CDH13: variants seen among roughly 807,000 people sequenced by gnomAD.
CDH13 encodes cadherin-13.
CDH13 carries 24 observed loss-of-function variants against 63.8 expected under a neutral mutation model. The ratio of observed to expected loss-of-function variants is 0.38; its 90% CI spans 0.27 to 0.53. The LOEUF (loss-of-function observed/expected upper bound fraction) is 0.53. Ranked by LOEUF, CDH13 falls within the 20% of genes least tolerant of loss-of-function variation. The pLI is 0.85. For synonymous variants in CDH13, 503 were observed against 355.3 expected (o/e 1.42, Z -4.67); for missense variants, 1,049 against 903.1 (o/e 1.16, Z -2.07).
At chr16:82,787,642 G>C (rs565600077) in intron 1 of CDH13, among the ~76,000 whole-genome samples, 2 of 152,224 alleles carry the variant, frequency 1.3e-5, no homozygotes, top group South Asian at 4.1e-4. Context: ...TAAATGGACA[G>C]GTGGGACCTA....
chr16:83,310,283 C>A (rs772459459), intron 5 of CDH13, among the ~76,000 whole-genome samples: 4 of 152,118 alleles, frequency 2.6e-5, no homozygotes, highest in African/African-American at 4.8e-5. Context: ...AAATAAATAG[C>A]AGTCTAAGAT....
intron 5 of CDH13, among the ~76,000 whole-genome samples, chr16:83,333,902 T>C (rs1035687005): frequency 9.2e-5 from 14 of 152,190 alleles, no homozygotes; most frequent in Non-Finnish European, 1.8e-4. Flanking sequence ...ATGGCTGCTG[T>C]AGTAAATTAC....
chr16:83,571,819 A>C (rs1285635933), intron 7 of CDH13, among the ~76,000 whole-genome samples: 2 of 152,142 alleles, frequency 1.3e-5, no homozygotes, highest in African/African-American at 4.8e-5. Flanking sequence ...TAGGTGCCTG[A>C]GCTAGAAACT....
intron 3 of CDH13, among the ~76,000 whole-genome samples, chr16:83,103,855 T>A (rs746102965): frequency 3.9e-5 from 6 of 152,216 alleles, no homozygotes; most frequent in Admixed American, 6.5e-5. Flanking sequence ...CACATTGATG[T>A]TTAAAAAAAT....
At chr16:83,166,571 C>G (rs1433047647) in intron 4 of CDH13, among the ~76,000 whole-genome samples, 1 of 152,052 alleles carries the variant, frequency 6.6e-6, no homozygotes, top group Non-Finnish European at 1.5e-5. Context: ...ATTGACATGC[C>G]ATTTGATTAA....
At chr16:82,645,688 A>G (rs537043812) in intron 1 of CDH13, among the ~76,000 whole-genome samples, 1 of 152,298 alleles carries the variant, frequency 6.6e-6, no homozygotes, top group East Asian at 1.9e-4. Context: ...TGTTATTACT[A>G]GGAGGCTGGA....
At chr16:83,643,283 T>TAAAAAAAAA (rs1195185794) in intron 8 of CDH13, among the ~76,000 whole-genome samples, 1 of 93,830 alleles carries the variant, frequency 1.1e-5, no homozygotes, top group Non-Finnish European at 2.0e-5. Flanking sequence ...TAGAGTATAA[T>TAAAAAAAAA]AAAAAAAAAA....
In CDH13 at chr16:83,678,373, G is replaced by T. The variant is rs1915138107; in HGVS notation, c.1450G>T (p.Val484Leu). The change falls in exon 10 of 14, where the codon GTG (valine) becomes TTG (leucine). Residue 484 changes from valine (V) to leucine (L), a missense_variant. Physicochemically the swap from Val to Leu is conservative, Grantham distance 32. Transcript: ENST00000567109. ...GPVFYPDPMM[V>L]TRQEDLSVGS... Reference sequence around the variant, plus strand: ...AGTCTTCTACCCAGACCCCATGATGGTGACCAGGCAGGAGGACCTCTCTGT... The same window carrying T: ...AGTCTTCTACCCAGACCCCATGATGTTGACCAGGCAGGAGGACCTCTCTGT... 1 of 1,613,868 alleles carries T rather than the reference G, an allele frequency of 6.2e-7. No homozygotes were observed. The highest frequency in any genetic ancestry group is 1.3e-5 in the African/African-American group (1 of 74,912).
intron 9 of CDH13, among the ~76,000 whole-genome samples, chr16:83,674,236 A>C (rs1324538131): frequency 6.6e-6 from 1 of 152,176 alleles, no homozygotes; most frequent in Non-Finnish European, 1.5e-5. Context: ...CCAGTCCAGG[A>C]TTGGCCAACA....
intron 1 of CDH13, among the ~76,000 whole-genome samples, chr16:82,801,678 G>A (rs1320666091): frequency 1.3e-5 from 2 of 152,162 alleles, no homozygotes; most frequent in Non-Finnish European, 2.9e-5. Flanking sequence ...TGGAAATGCT[G>A]GGTCAGCCTC....
At chr16:83,780,794 A>G (rs932714984) in intron 12 of CDH13, among the ~76,000 whole-genome samples, 1 of 152,206 alleles carries the variant, frequency 6.6e-6, no homozygotes, top group Non-Finnish European at 1.5e-5. Flanking sequence ...CAGACCTTGA[A>G]AAGATAGGAG....
intron 8 of CDH13, among the ~76,000 whole-genome samples, chr16:83,656,531 G>A (rs942978657): frequency 6.6e-6 from 1 of 152,126 alleles, no homozygotes; most frequent in Non-Finnish European, 1.5e-5. Context: ...TCCAGGTGCT[G>A]ACTGATGAAG....
chr16:83,028,347 C>A (rs866984497), intron 2 of CDH13, among the ~76,000 whole-genome samples: 3 of 152,214 alleles, frequency 2.0e-5, no homozygotes, highest in African/African-American at 4.8e-5. Flanking sequence ...CTGAGAACCG[C>A]AGGGTCCTGA....
intron 8 of CDH13, among the ~76,000 whole-genome samples, chr16:83,649,432 G>A (rs1387985123): frequency 6.6e-6 from 1 of 152,274 alleles, no homozygotes; most frequent in African/African-American, 2.4e-5. Context: ...TCTTGTGAAG[G>A]GAAAGAGAGG....
chr16:83,246,472 C>G (rs1905006009), intron 5 of CDH13, among the ~76,000 whole-genome samples: 1 of 152,180 alleles, frequency 6.6e-6, no homozygotes, highest in South Asian at 2.1e-4. Flanking sequence ...GATTCACTAG[C>G]TCTTAATCCT....
intron 4 of CDH13, among the ~76,000 whole-genome samples, chr16:83,169,782 C>A (rs889841518): frequency 1.3e-5 from 2 of 152,020 alleles, no homozygotes; most frequent in Non-Finnish European, 2.9e-5. Context: ...ATTTTTAAAT[C>A]TTTAGACAGA....
rs562750184 is a variant in CDH13 at position 83,405,233 on chromosome 16, G to T, written c.781+60227G>T. Among the ~76,000 whole-genome samples, 9 of 152,290 alleles carry T rather than the reference G, an allele frequency of 5.9e-5. No individual in the cohort carries two copies. The South Asian group carries it at 1.9e-3, about 32-fold the overall frequency. ...AGCTGTGTAAGTAGCTGTGTAAGTA[G>T]CTTTGTAGGCTGAAAAAAGCTTATC... On this transcript the variant is annotated intron_variant, in intron 6 of 13. Transcript: ENST00000567109.
intron 2 of CDH13, chr16:82,953,304 T>A (rs1196469382): frequency 6.6e-6 from 1 of 152,238 alleles, no homozygotes; most frequent in Non-Finnish European, 1.5e-5. Context: ...AAAGGTTTTA[T>A]TGCTCCAATT....
intron 5 of CDH13, among the ~76,000 whole-genome samples, chr16:83,231,147 G>C (rs780569616): frequency 1.3e-5 from 2 of 152,192 alleles, no homozygotes; most frequent in Middle Eastern, 3.4e-3. Flanking sequence ...TGCACATCAC[G>C]GCCCCATTTT....
Sources: allele counts gnomAD v4.1 joint callset (sites outside exome capture counted in the v4.1 genomes callset), GRCh38; gene constraint gnomAD v4.1.1; transcripts MANE v1.5; gene names NCBI Gene and HGNC (gene_info 2026-07-23, HGNC 2026-07-21).